The following ACSM5 variants were observed in gnomAD, a reference collection of about 807,000 sequenced individuals.
The protein encoded by ACSM5 is acyl-CoA synthetase medium chain family member 5, also known as acyl-coenzyme A synthetase ACSM5, mitochondrial.
In ACSM5, 56 loss-of-function variants were observed where a neutral mutation model predicts 71.6. The ratio of observed to expected loss-of-function variants is 0.78; its 90% CI spans 0.63 to 0.98. The LOEUF (loss-of-function observed/expected upper bound fraction) is 0.98. Among genes scored for constraint, ACSM5 ranks in the 50% least tolerant of loss-of-function variants. The pLI is 0.00. For missense variants in ACSM5, 723 were observed against 726.0 expected (o/e 1.00, Z 0.05); for synonymous variants, 285 against 281.5 (o/e 1.01, Z -0.12).
Position 20,423,989 on chromosome 16 carries a change from ACT to A in ACSM5, c.846_847del (p.Phe283LeufsTer5). 1 of 1,613,976 alleles carries A rather than the reference ACT, an allele frequency of 6.2e-7. No individual in the cohort carries two copies. The highest frequency in any genetic ancestry group is 8.5e-7 in the Non-Finnish European group (1 of 1,179,968). ...TDTGWVKAAW[T>X]LFSAWPNGSC... ...CACTGGCTGGGTGAAGGCAGCCTGG[ACT>A]CTCTTCTCTGCCTGGCCTAATGGAT... On this transcript the variant is annotated frameshift_variant, in exon 6 of 14. Transcript: ENST00000331849. LOFTEE classifies it high-confidence loss of function.
chr16:20,415,613 T>C (rs531837966), intron 2 of ACSM5, among the ~76,000 whole-genome samples: 8 of 152,338 alleles, frequency 5.3e-5, no homozygotes, highest in Admixed American at 2.6e-4. Flanking sequence ...AACAGGTGGT[T>C]AAATCTACTT....
Position 20,419,208 on chromosome 16 carries a change from C to A in ACSM5, c.416-20C>A. The A allele has an allele frequency of 3.1e-6, 5 of 1,613,510 alleles. No individual in the cohort carries two copies. The highest frequency in any genetic ancestry group is 4.2e-6 in the Non-Finnish European group (5 of 1,179,438). ...GCCTTCCCCGCTATCCACTCAACAT[C>A]CCCTTCTGTTTTATGCCAGGGACTG... On this transcript the variant is annotated intron_variant, in intron 3 of 13. Coordinates refer to ENST00000331849, the MANE Select transcript of ACSM5 (RefSeq NM_017888.3).
chr16:20,428,537 C>A (rs1397943180), intron 7 of ACSM5, among the ~76,000 whole-genome samples: 1 of 152,206 alleles, frequency 6.6e-6, no homozygotes, highest in Non-Finnish European at 1.5e-5. Context: ...CCAACCCTGA[C>A]CTGTTCTCCC....
At position 20,439,863 on chromosome 16, in the gene ACSM5, C is replaced by G. The variant is rs138362252; in HGVS notation, c.1600C>G (p.Arg534Gly). 4.3e-6 allele frequency: 7 copies of G among 1,612,270 alleles called. No individual in the cohort carries two copies. The highest frequency in any genetic ancestry group is 2.2e-5 in the East Asian group (1 of 44,884). Reference sequence around the variant, plus strand: ...CTCTCATGACCCAGAGGCACTAACGCGGGAACTCCAGGAGCATGTGAAAAG... The same window carrying G: ...CTCTCATGACCCAGAGGCACTAACGGGGGAACTCCAGGAGCATGTGAAAAG... ...YSSHDPEALT[R>G]ELQEHVKRVT... is the part of the protein sequence containing the mutation. The change falls in exon 13 of 14, where the codon CGG (arginine) becomes GGG (glycine). Residue 534 changes from arginine (R) to glycine (G), a missense_variant. Coordinates refer to ENST00000331849, the MANE Select transcript of ACSM5 (RefSeq NM_017888.3).
At chr16:20,426,740 A>G (rs1226032060) in intron 6 of ACSM5, among the ~76,000 whole-genome samples, 1 of 152,242 alleles carries the variant, frequency 6.6e-6, no homozygotes, top group Non-Finnish European at 1.5e-5. Context: ...AATGGTGTTT[A>G]CCAGGAGTTA....
At chr16:20,432,844 A>ATTTTTTTTTT (rs1567346831) in intron 10 of ACSM5, among the ~76,000 whole-genome samples, 11 of 60,202 alleles carry the variant, frequency 1.8e-4, no homozygotes, top group African/African-American at 2.9e-4. Context: ...TTTCCAGATC[A>ATTTTTTTTTT]TTCTTTTTTT....
At position 20,421,648 on chromosome 16, in the gene ACSM5, TATATATATACAC is replaced by T. The variant is rs1364994950; in HGVS notation, c.767+249_767+260del. ...ATATATATATATATATATATATATA[TATATATATACAC>T]ACACACATATATATACATACATACA... On this transcript the variant is annotated intron_variant, in intron 5 of 13. Coordinates refer to ENST00000331849, the MANE Select transcript of ACSM5 (RefSeq NM_017888.3). 1.5e-3 allele frequency among the ~76,000 whole-genome samples: 197 copies of T among 127,108 alleles called. 1 individual carries two copies. Among genetic ancestry groups the T allele is most frequent in the African/African-American group, 5.5e-3 (179 of 32,466 alleles). 83.4% of individuals were successfully genotyped at this position (127,108 alleles called of 152,430 possible).
chr16:20,418,331 T>G, intron 3 of ACSM5, 62 bp downstream of exon 3: 1 of 1,504,680 alleles, frequency 6.6e-7, no homozygotes. Context: ...AGCTTTGCAG[T>G]GTCCACAGGG....
chr16:20,420,473 G>A (rs1222346077), intron 4 of ACSM5, among the ~76,000 whole-genome samples: 1 of 152,164 alleles, frequency 6.6e-6, no homozygotes, highest in Non-Finnish European at 1.5e-5. Context: ...GGTGGCGCAC[G>A]CCTATATTCC....
At position 20,432,847 on chromosome 16, in the gene ACSM5, C is replaced by CTT. The variant is rs56853520; in HGVS notation, c.1308+1551_1308+1552dup. 1.3e-3 allele frequency among the ~76,000 whole-genome samples: 74 copies of CTT among 57,598 alleles called. 15 individuals are homozygous for CTT. The South Asian group carries it at 0.016, about 12-fold the overall frequency. 37.8% of individuals were successfully genotyped at this position (57,598 alleles called of 152,430 possible). A position where few individuals can be genotyped will look rare whatever the true frequency, so the allele number is the denominator to read the frequency against. ...CAGTTAGTTTTCTTTCCAGATCATTCTTTTTTTTTTTTTTTTTTTTTTTTT... is the reference window on the plus strand; with the variant it reads ...CAGTTAGTTTTCTTTCCAGATCATTCTTTTTTTTTTTTTTTTTTTTTTTTTTT... On this transcript the variant is annotated intron_variant, in intron 10 of 13. Transcript: ENST00000331849.
chr16:20,420,147 T>G (rs1246511273), intron 4 of ACSM5, among the ~76,000 whole-genome samples: 3 of 152,160 alleles, frequency 2.0e-5, no homozygotes, highest in Admixed American at 2.0e-4. Context: ...AAAAGGAGCC[T>G]CTCAGGGGCC....
Position 20,423,934 on chromosome 16 carries a change from C to A in ACSM5, c.786C>A (p.Thr262=). ...TTGGCAGACGGTGGGTGGCCTTGAC[C>A]GAATCTGACATCTTCTGGAACACGA... ...VASGRRWVAL[T]ESDIFWNTTD... is the part of the protein sequence containing the mutation. Residue 262 remains threonine (T), a synonymous_variant, in exon 6 of 14, where the codon ACC becomes ACA. Coordinates refer to ENST00000331849, the MANE Select transcript of ACSM5 (RefSeq NM_017888.3). 2 of 1,613,986 alleles carry A rather than the reference C, an allele frequency of 1.2e-6. No homozygotes were observed. Among genetic ancestry groups the A allele is most frequent in the Non-Finnish European group, 1.7e-6 (2 of 1,179,942 alleles).
At position 20,440,824 on chromosome 16, in the gene ACSM5, G is replaced by C. The variant is rs528971864; in HGVS notation, c.*397G>C. On this transcript the variant is annotated 3_prime_UTR_variant, in exon 14 of 14. Transcript: ENST00000331849. Reference sequence around the variant, plus strand: ...TTCATCCTTTGTATGTAACCATTTGGCAAAAGTATGCAGGAACATAAAATA... The same window carrying C: ...TTCATCCTTTGTATGTAACCATTTGCCAAAAGTATGCAGGAACATAAAATA... 22 of 160,818 alleles carry C rather than the reference G, an allele frequency of 1.4e-4. No individual in the cohort carries two copies. The South Asian group carries it at 2.5e-3, about 18-fold the overall frequency. 10.0% of individuals were successfully genotyped at this position (160,818 alleles called of 1,614,324 possible).
chr16:20,425,559 A>G (rs1485764771), intron 6 of ACSM5, among the ~76,000 whole-genome samples: 2 of 152,092 alleles, frequency 1.3e-5, no homozygotes, highest in East Asian at 1.9e-4. Flanking sequence ...CCCAATTTGT[A>G]GTCTTTTATC....
intron 5 of ACSM5, among the ~76,000 whole-genome samples, 194 bp downstream of exon 5, chr16:20,421,595 G>A (rs1169505479): frequency 7.3e-6 from 1 of 137,238 alleles, no homozygotes; most frequent in African/African-American, 2.7e-5. Flanking sequence ...AGCCATGGGA[G>A]GTTTCTTTTT....
At chr16:20,431,199 C>G in intron 9 of ACSM5, 21 bp from the exon 10 acceptor site, 1 of 1,609,638 alleles carries the variant, frequency 6.2e-7, no homozygotes, top group Non-Finnish European at 8.5e-7. Flanking sequence ...GTATGCACCT[C>G]TGTGATGATT....
chr16:20,413,196 A>G (rs181353206), intron 2 of ACSM5, among the ~76,000 whole-genome samples: 2 of 152,316 alleles, frequency 1.3e-5, no homozygotes, highest in Non-Finnish European at 2.9e-5. Context: ...TACTAGGGGT[A>G]TCCTTAGAAG....
chr16:20,419,063 A>T (rs1487921586), intron 3 of ACSM5, among the ~76,000 whole-genome samples, 165 bp from the exon 4 acceptor site: 7 of 152,076 alleles, frequency 4.6e-5, no homozygotes. Context: ...GTGATCATGC[A>T]CTTATTCAGA....
chr16:20,430,110 A>C (rs945219075), intron 8 of ACSM5, among the ~76,000 whole-genome samples: 1 of 152,062 alleles, frequency 6.6e-6, no homozygotes, highest in Non-Finnish European at 1.5e-5. Context: ...TACACTACTC[A>C]GCTTACAGAT....
Sources: allele counts gnomAD v4.1 joint callset (sites outside exome capture counted in the v4.1 genomes callset), GRCh38; gene constraint gnomAD v4.1.1; transcripts MANE v1.5; gene names NCBI Gene and HGNC (gene_info 2026-07-23, HGNC 2026-07-21).